The following SNX24 variants were observed in gnomAD, a reference collection of about 807,000 sequenced individuals.
SNX24 encodes sorting nexin 24.
A neutral mutation model predicts 28.7 loss-of-function variants in SNX24; 22 were observed. The ratio of observed to expected loss-of-function variants is 0.77; its 90% confidence interval spans 0.55 to 1.10. The LOEUF (loss-of-function observed/expected upper bound fraction) is 1.10. Ranked by LOEUF, SNX24 falls within the 50% of genes least tolerant of loss-of-function variation. The pLI, the probability that SNX24 is intolerant of heterozygous loss-of-function variation, is 0.00. For synonymous variants in SNX24, 69 were observed against 71.5 expected (o/e 0.96, Z 0.18); for missense variants, 221 against 201.1 (o/e 1.10, Z -0.60).
At chr5:122,966,845 A>G (rs902528405) in intron 3 of SNX24, among the ~76,000 whole-genome samples, 2 of 152,230 alleles carry the variant, frequency 1.3e-5, no homozygotes, top group Admixed American at 6.5e-5. Context: ...GGCATACAAT[A>G]AAGAGTAGCT....
chr5:122,986,677 G>A (rs533386241), intron 3 of SNX24, among the ~76,000 whole-genome samples: 150 of 152,218 alleles, frequency 9.9e-4, no homozygotes, highest in Middle Eastern at 6.8e-3. Context: ...AAACAGCATC[G>A]GTTGAACACT....
chr5:122,897,778 C>T (rs570934578), intron 1 of SNX24, among the ~76,000 whole-genome samples: 46 of 152,250 alleles, frequency 3.0e-4, no homozygotes, highest in Non-Finnish European at 5.4e-4. Context: ...AAACTGTTTC[C>T]TATCTTGTAT....
chr5:123,025,881 C>T (rs1762845115), intron 5 of SNX24: 1 of 1,614,002 alleles, frequency 6.2e-7, no homozygotes, highest in African/African-American at 1.3e-5. Flanking sequence ...GGTGTCAGGC[C>T]CAGCGTTGGC....
chr5:122,951,130 G>C (rs555491458), intron 3 of SNX24, among the ~76,000 whole-genome samples: 89 of 151,952 alleles, frequency 5.9e-4, no homozygotes, highest in African/African-American at 2.1e-3. Context: ...AGCCAGGCGT[G>C]GTGGCGGGCA....
intron 1 of SNX24, among the ~76,000 whole-genome samples, chr5:122,882,354 G>A (rs1356864547): frequency 2.0e-5 from 3 of 152,228 alleles, no homozygotes; most frequent in Non-Finnish European, 2.9e-5. Context: ...TTCCTACAGC[G>A]TCTTTCTGTT....
chr5:123,020,694 ATTAG>A (rs1396285263), intron 5 of SNX24, among the ~76,000 whole-genome samples: 1 of 152,238 alleles, frequency 6.6e-6, no homozygotes, highest in African/African-American at 2.4e-5. Flanking sequence ...AAGAAAATGT[ATTAG>A]TTTACGCAGC....
chr5:122,845,721 C>A (rs781377999), intron 1 of SNX24, 28 bp downstream of exon 1: 1 of 1,327,738 alleles, frequency 7.5e-7, no homozygotes, highest in South Asian at 2.2e-5. Flanking sequence ...GCGGACAGGG[C>A]CCCGCGAGCC....
At chr5:122,997,885 G>A (rs1459909578) in intron 3 of SNX24, among the ~76,000 whole-genome samples, 1 of 151,600 alleles carries the variant, frequency 6.6e-6, no homozygotes, top group Non-Finnish European at 1.5e-5. Flanking sequence ...TTACAAATTA[G>A]GCTTTATTAT....
chr5:122,925,249 C>A (rs1464056911), intron 1 of SNX24, among the ~76,000 whole-genome samples: 1 of 85,992 alleles, frequency 1.2e-5, no homozygotes, highest in African/African-American at 4.4e-5. Context: ...TTTTCTCCTC[C>A]TCCTCCTTCC....
intron 1 of SNX24, among the ~76,000 whole-genome samples, chr5:122,864,732 C>G (rs1755643072): frequency 6.6e-6 from 1 of 152,190 alleles, no homozygotes; most frequent in South Asian, 2.1e-4. Flanking sequence ...AGTGCGGGGT[C>G]TGCAAAATAT....
At position 123,008,048 on chromosome 5, in the gene SNX24, G is replaced by A. The variant is rs1044305797; in HGVS notation, c.*299G>A. 31 of 1,079,448 alleles carry A rather than the reference G, an allele frequency of 2.9e-5. No individual in the cohort carries two copies. In the East Asian group the frequency reaches 2.1e-3, roughly 75 times the overall value. 66.9% of individuals were successfully genotyped at this position (1,079,448 alleles called of 1,614,324 possible). Reference sequence around the variant, plus strand: ...GAGATTCCTGGGAGCACTGGGTGTAGCAAAACAAAGCCACTCTCTGCTTCA... The same window carrying A: ...GAGATTCCTGGGAGCACTGGGTGTAACAAAACAAAGCCACTCTCTGCTTCA... On this transcript the variant is annotated 3_prime_UTR_variant, in exon 7 of 7. Transcript: ENST00000261369.
intron 1 of SNX24, among the ~76,000 whole-genome samples, chr5:122,855,035 G>T (rs1400783808): frequency 6.6e-6 from 1 of 151,872 alleles, no homozygotes; most frequent in African/African-American, 2.4e-5. Flanking sequence ...CAGGGTGGTG[G>T]TTGCAAAAGG....
chr5:123,001,870 A>G, intron 5 of SNX24, 70 bp from the exon 6 acceptor site: 1 of 1,317,236 alleles, frequency 7.6e-7, no homozygotes, highest in Non-Finnish European at 1.1e-6. Context: ...ATCCCCTCAA[A>G]GCTAGTTTGT....
intron 2 of SNX24, among the ~76,000 whole-genome samples, chr5:122,944,698 C>T (rs1759606456): frequency 6.6e-6 from 1 of 152,196 alleles, no homozygotes; most frequent in African/African-American, 2.4e-5. Context: ...AAGGTGGCCG[C>T]TCTGCTCTAG....
intron 2 of SNX24, among the ~76,000 whole-genome samples, chr5:122,943,271 G>T (rs1264345684): frequency 6.6e-6 from 1 of 151,978 alleles, no homozygotes; most frequent in Non-Finnish European, 1.5e-5. Flanking sequence ...ACATAATAAA[G>T]CCTGCCTTCA....
At chr5:122,976,932 G>A (rs923550116) in intron 3 of SNX24, among the ~76,000 whole-genome samples, 19 of 151,990 alleles carry the variant, frequency 1.3e-4, no homozygotes, top group Admixed American at 3.9e-4. Flanking sequence ...CTTTTCTAAT[G>A]GTATGTCTTT....
chr5:122,953,751 T>C (rs1308530268), intron 3 of SNX24, among the ~76,000 whole-genome samples: 2 of 152,234 alleles, frequency 1.3e-5, no homozygotes, highest in African/African-American at 4.8e-5. Context: ...GTACATCTTA[T>C]ATCACTTGAG....
At chr5:122,984,480 C>G (rs1176026161) in intron 3 of SNX24, among the ~76,000 whole-genome samples, 1 of 152,168 alleles carries the variant, frequency 6.6e-6, no homozygotes, top group African/African-American at 2.4e-5. Flanking sequence ...CCTGCTCAAA[C>G]TTGAAGTGGG....
At chr5:122,891,796 G>A (rs549562839) in intron 1 of SNX24, among the ~76,000 whole-genome samples, 286 of 152,306 alleles carry the variant, frequency 1.9e-3, no homozygotes, top group Non-Finnish European at 2.2e-3. Flanking sequence ...GGCTGGCCAG[G>A]AAAATTAATG....
Sources: gnomAD v4.1 joint callset for allele counts (sites outside exome capture counted in the v4.1 genomes callset) on GRCh38, gnomAD v4.1.1 for gene constraint, MANE v1.5 for transcripts, NCBI Gene and HGNC (gene_info 2026-07-23, HGNC 2026-07-21) for gene names.